Variants in PHLDB2 observed in about 807,000 individuals in gnomAD.
The protein encoded by PHLDB2 is pleckstrin homology-like domain family B member 2.
Under a neutral mutation model 123.6 loss-of-function variants are expected in PHLDB2, and 71 were observed. That is an observed-to-expected ratio of 0.57 (90% CI 0.47 to 0.70). The LOEUF (loss-of-function observed/expected upper bound fraction) is 0.70, where lower values mean the gene tolerates loss of function less well. Among genes scored for constraint, PHLDB2 ranks in the 30% least tolerant of loss-of-function variants. The pLI is 0.00. For missense variants in PHLDB2, 1,446 were observed against 1,519.5 expected, an observed-to-expected ratio of 0.95 and a Z score of 0.80; for synonymous variants, 547 against 541.6, an observed-to-expected ratio of 1.01 and a Z score of -0.14.
chr3:111,800,190 A>G (rs933036847), intron 1 of PHLDB2, among the ~76,000 whole-genome samples: 4 of 152,108 alleles, frequency 2.6e-5, no homozygotes, highest in African/African-American at 9.7e-5. Context: ...AATTTTCTGT[A>G]GAGATGGGGT....
intron 3 of PHLDB2, 35 bp from the exon 4 acceptor site, chr3:111,919,037 T>G: frequency 6.2e-7 from 1 of 1,606,644 alleles, no homozygotes; most frequent in Non-Finnish European, 8.5e-7. Context: ...AGAACTGAGG[T>G]GTGAATAATC....
chr3:111,967,802 T>G lies in PHLDB2; in HGVS notation c.3293T>G (p.Ile1098Arg). 6.2e-7 allele frequency: 1 copy of G among 1,610,618 alleles called. No homozygotes were observed. Among genetic ancestry groups the G allele is most frequent in the Non-Finnish European group, 8.5e-7 (1 of 1,178,930 alleles). The change falls in exon 15 of 18, where the codon ATA becomes AGA. Residue 1098 changes from isoleucine to arginine, a missense_variant. Ile to Arg is a moderately conservative substitution (Grantham distance 97). Coordinates refer to ENST00000431670, the MANE Select transcript of PHLDB2 (RefSeq NM_001134438.2). ...AAGTTAATAGAAAAGGAAGTAAAAA[T>G]AAGGGAGAGACAAAGGGCACAGGTT... Reference protein sequence around the residue: ...RQKLIEKEVKIRERQRAQARP... With the variant: ...RQKLIEKEVKRRERQRAQARP...
In PHLDB2 at chr3:111,897,062, C is replaced by T. The variant is rs182207914; in HGVS notation, c.1335+11650C>T. Reference sequence around the variant, plus strand: ...ATACAGAACAGTTCTAACACCACAACGGTCTCTCATGTTGGCCTTTTATAG... The same window carrying T: ...ATACAGAACAGTTCTAACACCACAATGGTCTCTCATGTTGGCCTTTTATAG... On this transcript the variant is annotated intron_variant, in intron 2 of 17. Coordinates refer to ENST00000431670, the MANE Select transcript of PHLDB2 (RefSeq NM_001134438.2). Among the ~76,000 whole-genome samples the T allele has an allele frequency of 1.9e-4, 29 of 152,288 alleles. No homozygotes were observed. In the South Asian group the frequency reaches 2.7e-3, roughly 14 times the overall value.
chr3:111,950,485 A>G (rs955059518), intron 10 of PHLDB2, among the ~76,000 whole-genome samples: 21 of 152,212 alleles, frequency 1.4e-4, no homozygotes, highest in Admixed American at 1.2e-3. Context: ...TCACACCACA[A>G]ATAGTGCATT....
intron 5 of PHLDB2, among the ~76,000 whole-genome samples, chr3:111,925,048 C>T (rs1021354010): frequency 2.6e-5 from 4 of 152,044 alleles, no homozygotes; most frequent in Non-Finnish European, 4.4e-5. Context: ...AGGCTGGTCT[C>T]GAATGCCTGA....
chr3:111,738,169 C>T (rs10804492), intron 1 of PHLDB2, among the ~76,000 whole-genome samples: 47,004 of 152,064 alleles, frequency 0.31, 8,244 homozygotes, highest in African/African-American at 0.46. Context: ...CTTCCCAGAA[C>T]GTGACTGTTC....
At chr3:111,827,398 G>A (rs780792497) in intron 1 of PHLDB2, among the ~76,000 whole-genome samples, 12 of 152,186 alleles carry the variant, frequency 7.9e-5, no homozygotes, top group Non-Finnish European at 1.3e-4. Context: ...AGACCAGGCC[G>A]GGCGCGGTAG....
chr3:111,759,363 A>G (rs2059955766), intron 1 of PHLDB2, among the ~76,000 whole-genome samples: 1 of 152,190 alleles, frequency 6.6e-6, no homozygotes, highest in Admixed American at 6.5e-5. Flanking sequence ...TTTCTTTTGT[A>G]AGGGTACCAA....
At chr3:111,879,173 G>A (rs138411701) in intron 1 of PHLDB2, among the ~76,000 whole-genome samples, 359 of 152,212 alleles carry the variant, frequency 2.4e-3, no homozygotes, top group African/African-American at 6.1e-3. Context: ...CTGTGAATCC[G>A]TCTGGTCCTG....
At chr3:111,952,762 CATT>C (rs754758646) in intron 11 of PHLDB2, 50 bp downstream of exon 11, 10 of 1,581,832 alleles carry the variant, frequency 6.3e-6, no homozygotes, top group Non-Finnish European at 8.6e-6. Context: ...GTCTTCTTGT[CATT>C]ATATTCACTG....
chr3:111,958,804 A>G (rs1174559929), intron 12 of PHLDB2: 1 of 444,096 alleles, frequency 2.3e-6, no homozygotes, highest in Non-Finnish European at 4.5e-6. Context: ...AAATAGTCTC[A>G]GGGGTTGGGA....
chr3:111,852,207 T>C (rs1292700511), intron 2 of PHLDB2, among the ~76,000 whole-genome samples: 1 of 151,608 alleles, frequency 6.6e-6, no homozygotes, highest in East Asian at 1.9e-4. Context: ...GAAGTCTGTG[T>C]ATATCTGACA....
chr3:111,803,131 G>A (rs1312401488), intron 1 of PHLDB2, among the ~76,000 whole-genome samples: 1 of 152,176 alleles, frequency 6.6e-6, no homozygotes, highest in Non-Finnish European at 1.5e-5. Flanking sequence ...TTTGAAATCA[G>A]CAGTCATTCC....
chr3:111,836,845 A>C (rs1351406284), intron 1 of PHLDB2, among the ~76,000 whole-genome samples: 3 of 152,146 alleles, frequency 2.0e-5, no homozygotes, highest in African/African-American at 4.8e-5. Context: ...CACCCCGATG[A>C]TCCAATCATC....
At chr3:111,834,057 T>G (rs1464129097) in intron 1 of PHLDB2, among the ~76,000 whole-genome samples, 1 of 119,906 alleles carries the variant, frequency 8.3e-6, no homozygotes, top group Non-Finnish European at 1.6e-5. Context: ...TTATATATAA[T>G]ATATGTAATA....
chr3:111,747,631 TCTGA>T (rs1347806765), intron 1 of PHLDB2, among the ~76,000 whole-genome samples: 1 of 152,032 alleles, frequency 6.6e-6, no homozygotes. Context: ...CCCAGTAGCC[TCTGA>T]CTATGTTTCC....
Position 111,974,554 on chromosome 3 carries a change from C to T in PHLDB2, c.3753C>T (p.Phe1251=), listed in dbSNP as rs1422542284. The T allele has an allele frequency of 6.2e-7, 1 of 1,611,628 alleles. No individual in the cohort carries two copies. The highest frequency in any genetic ancestry group is 1.1e-5 in the South Asian group (1 of 90,426). Residue 1251 remains phenylalanine, a synonymous_variant, in exon 18 of 18, where the codon TTC becomes TTT. Transcript: ENST00000431670. ...CGGGGGCAGAAGGTTACACTCACTT[C>T]TTGTTGTAGTGAACTGAGGCAACAG... The part of the protein sequence containing the change: ...IVTGAEGYTH[F]LL
intron 1 of PHLDB2, among the ~76,000 whole-genome samples, chr3:111,786,676 C>A (rs1276524492): frequency 2.0e-5 from 3 of 152,072 alleles, no homozygotes; most frequent in Non-Finnish European, 4.4e-5. Context: ...CCCTCCCACC[C>A]AATGATAAGC....
At chr3:111,953,768 G>A in intron 11 of PHLDB2, 162 bp from the exon 12 acceptor site, 2 of 527,000 alleles carry the variant, frequency 3.8e-6, no homozygotes, top group Non-Finnish European at 6.6e-6. Flanking sequence ...GGGAGGGCCA[G>A]TAACTGGCCT....
Sources: allele counts gnomAD v4.1 joint callset (sites outside exome capture counted in the v4.1 genomes callset), GRCh38; gene constraint gnomAD v4.1.1; transcripts MANE v1.5; gene names NCBI Gene and HGNC (gene_info 2026-07-23, HGNC 2026-07-21).